The following PTPRG variants were observed in gnomAD, a reference collection of about 807,000 sequenced individuals.
PTPRG encodes receptor-type tyrosine-protein phosphatase gamma.
Under a neutral mutation model 165.3 loss-of-function variants are expected in PTPRG, and 102 were observed. The ratio of observed to expected loss-of-function variants is 0.62; its 90% CI spans 0.53 to 0.73. PTPRG has a LOEUF of 0.73. Ranked by LOEUF, PTPRG falls within the 30% of genes least tolerant of loss-of-function variation. PTPRG has a pLI of 0.00. For synonymous variants in PTPRG, 675 were observed against 669.5 expected, an observed-to-expected ratio of 1.01 and a Z score of -0.13; for missense variants, 1,866 against 1,861.4, an observed-to-expected ratio of 1.00 and a Z score of -0.05.
chr3:61,681,243 C>T (rs1483301486), intron 1 of PTPRG, among the ~76,000 whole-genome samples: 1 of 152,162 alleles, frequency 6.6e-6, no homozygotes. Flanking sequence ...ATTCCTGGAT[C>T]TGTTAAATAG....
intron 12 of PTPRG, among the ~76,000 whole-genome samples, chr3:62,211,980 T>A (rs961682797): frequency 7.2e-5 from 11 of 151,970 alleles, no homozygotes; most frequent in African/African-American, 2.4e-4. Flanking sequence ...AATTTTTTTT[T>A]AAAAAGCAGA....
rs578186627 is a variant in PTPRG, at chr3:62,116,266, A to G, written c.616-16336A>G. ...TCTAGTATCAGGTAGGCCTTTTAGT[A>G]TCCTTTGGAAAAAGTTAAAATTCAG... is the stretch of plus-strand genomic sequence containing the variant. On this transcript the variant is annotated intron_variant, in intron 5 of 29. Transcript: ENST00000474889. 3.3e-5 allele frequency among the ~76,000 whole-genome samples: 5 copies of G among 152,264 alleles called. No individual in the cohort carries two copies. In the South Asian group the frequency reaches 1.0e-3, roughly 32 times the overall value.
At chr3:61,975,434 T>C (rs2040481251) in intron 2 of PTPRG, among the ~76,000 whole-genome samples, 1 of 152,222 alleles carries the variant, frequency 6.6e-6, no homozygotes, top group Admixed American at 6.5e-5. Context: ...ACAGTTTCCT[T>C]GACCTCACTC....
chr3:61,928,312 A>G (rs999383022), intron 2 of PTPRG, among the ~76,000 whole-genome samples: 3 of 152,190 alleles, frequency 2.0e-5, no homozygotes, highest in African/African-American at 7.2e-5. Context: ...ATGCGACCCC[A>G]TATTTGTTAA....
intron 2 of PTPRG, among the ~76,000 whole-genome samples, chr3:61,943,226 C>T (rs1467935374): frequency 1.3e-5 from 2 of 152,166 alleles, no homozygotes; most frequent in Non-Finnish European, 2.9e-5. Flanking sequence ...TTTGGTCTAA[C>T]CACATCCTGT....
At chr3:61,797,416 T>C (rs1158457077) in intron 2 of PTPRG, among the ~76,000 whole-genome samples, 58 of 152,164 alleles carry the variant, frequency 3.8e-4, no homozygotes, top group Non-Finnish European at 5.9e-5. Flanking sequence ...GCATTGGTCT[T>C]AGGTGTATAC....
At chr3:61,804,640 G>T in intron 2 of PTPRG, among the ~76,000 whole-genome samples, 1 of 147,424 alleles carries the variant, frequency 6.8e-6, no homozygotes. Flanking sequence ...TATTTTTACT[G>T]TAGGATTTAC....
At chr3:62,268,887 C>A in intron 19 of PTPRG, 148 bp from the exon 20 acceptor site, 3 of 820,226 alleles carry the variant, frequency 3.7e-6, no homozygotes, top group Non-Finnish European at 5.2e-6. Flanking sequence ...GTCACACCTG[C>A]CTTTAAGCAG....
At chr3:62,171,269 C>G (rs189242064) in intron 8 of PTPRG, among the ~76,000 whole-genome samples, 1 of 152,076 alleles carries the variant, frequency 6.6e-6, no homozygotes, top group East Asian at 1.9e-4. Flanking sequence ...GGGCATACAC[C>G]CAGGAGTAAA....
intron 2 of PTPRG, among the ~76,000 whole-genome samples, chr3:61,803,462 G>GT (rs1316342672): frequency 8.7e-6 from 1 of 115,224 alleles, no homozygotes; most frequent in Admixed American, 8.5e-5. Flanking sequence ...GGTAGCCATT[G>GT]TTTTGGACAA....
chr3:61,604,589 C>G (rs761510192), intron 1 of PTPRG, among the ~76,000 whole-genome samples: 11 of 152,140 alleles, frequency 7.2e-5, no homozygotes, highest in Non-Finnish European at 1.3e-4. Flanking sequence ...AATGTAAGTA[C>G]CATTTTTTCC....
chr3:61,807,956 T>C (rs2035465646), intron 2 of PTPRG, among the ~76,000 whole-genome samples: 2 of 152,210 alleles, frequency 1.3e-5, no homozygotes, highest in South Asian at 4.1e-4. Context: ...GACCGGGGCA[T>C]CCAGTACTTG....
chr3:62,182,885 G>A (rs111398726), intron 8 of PTPRG, among the ~76,000 whole-genome samples: 86 of 152,226 alleles, frequency 5.6e-4, no homozygotes, highest in African/African-American at 2.0e-3. Flanking sequence ...TCGATCTCTT[G>A]ACCTCGTGAT....
intron 2 of PTPRG, among the ~76,000 whole-genome samples, chr3:61,829,458 G>A (rs769525958): frequency 7.0e-4 from 106 of 152,342 alleles, no homozygotes; most frequent in Non-Finnish European, 1.3e-3. Flanking sequence ...CACTTAGCCC[G>A]ATCACTGCCT....
At chr3:62,099,793 CTTTTTTTTTTT>C (rs759385441) in intron 5 of PTPRG, among the ~76,000 whole-genome samples, 1 of 90,728 alleles carries the variant, frequency 1.1e-5, no homozygotes, top group African/African-American at 4.5e-5. Context: ...AGTGTTAAAT[CTTTTTTTTTTT>C]TTTTTTTTTT....
intron 23 of PTPRG, among the ~76,000 whole-genome samples, chr3:62,275,425 T>G (rs372934780): frequency 6.6e-6 from 1 of 152,220 alleles, no homozygotes. Context: ...TCTAGAAATA[T>G]CTATTGCACA....
chr3:62,266,417 A>C (rs1185818753), intron 17 of PTPRG, among the ~76,000 whole-genome samples: 1 of 152,158 alleles, frequency 6.6e-6, no homozygotes, highest in African/African-American at 2.4e-5. Flanking sequence ...CTTATTTGTC[A>C]GTCTAAGAAA....
At chr3:61,874,648 G>T (rs977539895) in intron 2 of PTPRG, among the ~76,000 whole-genome samples, 2 of 152,112 alleles carry the variant, frequency 1.3e-5, no homozygotes, top group African/African-American at 4.8e-5. Flanking sequence ...AATGTTTGAA[G>T]GCAATTTTGA....
intron 5 of PTPRG, among the ~76,000 whole-genome samples, chr3:62,130,789 A>G (rs1268739010): frequency 2.0e-5 from 3 of 152,124 alleles, no homozygotes. Flanking sequence ...TGCAATTTTG[A>G]TTTGGTGTAT....
Sources: allele counts gnomAD v4.1 joint callset (sites outside exome capture counted in the v4.1 genomes callset), GRCh38; gene constraint gnomAD v4.1.1; transcripts MANE v1.5; gene names NCBI Gene and HGNC (gene_info 2026-07-23, HGNC 2026-07-21).